Variants in ARL17B observed in about 807,000 individuals in gnomAD.
ARL17B encodes the protein ARF like GTPase 17B.
intron 3 of ARL17B, among the ~76,000 whole-genome samples, chr17:46,348,658 CT>C (rs1308048234): frequency 1.8e-5 from 2 of 112,884 alleles, no homozygotes; most frequent in Non-Finnish European, 3.4e-5. Flanking sequence ...AGTTAAGAAA[CT>C]GCAAGAGTTT....
intron 3 of ARL17B, among the ~76,000 whole-genome samples, chr17:46,341,054 A>G (rs1332643569): frequency 3.6e-5 from 2 of 56,336 alleles, no homozygotes; most frequent in African/African-American, 1.4e-4. Context: ...CCTATATTAA[A>G]CCCTTTTATG....
intron 4 of ARL17B, among the ~76,000 whole-genome samples, chr17:46,284,017 T>C (rs2458218): frequency 0.13 from 19,831 of 151,460 alleles, 6 homozygotes; most frequent in Middle Eastern, 0.2. Context: ...TTTTTCCCTA[T>C]CTCAGTAGAT....
chr17:46,321,357 GAAAA>G (rs763727306), intron 3 of ARL17B, among the ~76,000 whole-genome samples: 2 of 31,356 alleles, frequency 6.4e-5, no homozygotes, highest in Non-Finnish European at 8.7e-5. Context: ...CTCCGTCTCA[GAAAA>G]AAAAAAAAAA....
intron 2 of ARL17B, among the ~76,000 whole-genome samples, chr17:46,356,943 C>T (rs62073919): frequency 0.28 from 7,431 of 26,508 alleles, 3 homozygotes; most frequent in Non-Finnish European, 0.35. Context: ...AGCACTTAGC[C>T]GGGCAGATCA....
intron 4 of ARL17B, among the ~76,000 whole-genome samples, chr17:46,282,657 A>C (rs1202174855): frequency 1.3e-5 from 2 of 151,092 alleles, no homozygotes; most frequent in Non-Finnish European, 2.9e-5. Flanking sequence ...CCTGGCTTCA[A>C]GCTATTCTCC....
chr17:46,277,778 C>T (rs1386147601), intron 4 of ARL17B, among the ~76,000 whole-genome samples: 5 of 152,000 alleles, frequency 3.3e-5, no homozygotes, highest in African/African-American at 1.2e-4. Flanking sequence ...TCCCGAGTAG[C>T]TGGGATTACA....
chr17:46,279,541 G>A (rs1249532558), intron 4 of ARL17B, among the ~76,000 whole-genome samples: 6 of 133,332 alleles, frequency 4.5e-5, no homozygotes, highest in Non-Finnish European at 6.1e-5. Context: ...TTGTTGTGTC[G>A]TCCAGGCTGG....
rs568876726 is a variant in ARL17B at position 46,287,453 on chromosome 17, T to G, written c.*22-12035A>C. On this transcript the variant is annotated intron_variant, in intron 4 of 4. Coordinates refer to the ARL17B transcript ENST00000570618. Reference sequence around the variant, plus strand: ...GCAAAGCGCAAACACCAAGTAGAAGTTACACTACAAGGACCATGCAGGTCA... The same window carrying G: ...GCAAAGCGCAAACACCAAGTAGAAGGTACACTACAAGGACCATGCAGGTCA... Among the ~76,000 whole-genome samples, 4 of 152,346 alleles carry G rather than the reference T, an allele frequency of 2.6e-5. No homozygotes were observed. In the East Asian group the frequency reaches 7.7e-4, roughly 29 times the overall value.
At chr17:46,283,819 G>T (rs572121477) in intron 4 of ARL17B, among the ~76,000 whole-genome samples, 2 of 150,794 alleles carry the variant, frequency 1.3e-5, no homozygotes, top group South Asian at 2.1e-4. Context: ...TCGGAGAGGG[G>T]GATGTGTCAG....
chr17:46,274,235 A>G (rs1239886181), downstream of ARL17B, among the ~76,000 whole-genome samples: 14 of 152,244 alleles, frequency 9.2e-5, no homozygotes, highest in Non-Finnish European at 1.5e-4. Flanking sequence ...ACATACATCC[A>G]TAGTTGAATT....
chr17:46,285,798 A>C (rs1176974540), intron 4 of ARL17B, among the ~76,000 whole-genome samples: 5 of 152,240 alleles, frequency 3.3e-5, no homozygotes, highest in Non-Finnish European at 5.9e-5. Flanking sequence ...TAAGATTGGA[A>C]ACTTGAAATC....
At chr17:46,274,890 T>C (rs1455892503) in exon 5 of ARL17B, 1 of 152,718 alleles carries the variant, frequency 6.5e-6, no homozygotes, top group Non-Finnish European at 1.5e-5. Context: ...TCTTTTTCTT[T>C]TCTTCCTTTT....
chr17:46,289,625 C>A (rs1376297374), intron 4 of ARL17B, among the ~76,000 whole-genome samples: 1 of 152,164 alleles, frequency 6.6e-6, no homozygotes, highest in African/African-American at 2.4e-5. Flanking sequence ...CAAGTGTGAG[C>A]CACTGTGCCC....
chr17:46,321,350 C>T (rs1457500216), intron 3 of ARL17B, among the ~76,000 whole-genome samples: 5 of 67,292 alleles, frequency 7.4e-5, no homozygotes, highest in Middle Eastern at 6.3e-3. Context: ...AGTGAGACTC[C>T]GTCTCAGAAA....
intron 4 of ARL17B, among the ~76,000 whole-genome samples, chr17:46,285,369 T>G (rs1442164378): frequency 6.6e-6 from 1 of 152,056 alleles, no homozygotes; most frequent in African/African-American, 2.4e-5. Context: ...GCCTCCCTAG[T>G]AGCTGGGATT....
At chr17:46,289,541 T>C (rs1472628102) in intron 4 of ARL17B, among the ~76,000 whole-genome samples, 2 of 152,216 alleles carry the variant, frequency 1.3e-5, no homozygotes, top group East Asian at 3.9e-4. Flanking sequence ...GGTTTCACCA[T>C]GTTGGCTAGG....
At chr17:46,289,979 T>TGCG (rs1386064851) in intron 4 of ARL17B, among the ~76,000 whole-genome samples, 1 of 152,142 alleles carries the variant, frequency 6.6e-6, no homozygotes, top group African/African-American at 2.4e-5. Flanking sequence ...ATGAGCCAGG[T>TGCG]GTGGTGGCGC....
At chr17:46,352,030 GT>G (rs2052767569) in intron 3 of ARL17B, among the ~76,000 whole-genome samples, 1 of 151,798 alleles carries the variant, frequency 6.6e-6, no homozygotes, top group African/African-American at 2.4e-5. Context: ...GAGGTCGGGA[GT>G]TCGAGACCAG....
Position 46,275,776 on chromosome 17 carries a change from C to T in ARL17B, c.*22-358G>A, listed in dbSNP as rs535705821. ...GTGTGTATGTGTGTGTTTATTTACA[C>T]GGATGAGGGGAATATAAAGGGAAAA... On this transcript the variant is annotated intron_variant, in intron 4 of 4. Transcript: ENST00000570618. 6.4e-4 allele frequency among the ~76,000 whole-genome samples: 97 copies of T among 151,888 alleles called. No homozygotes were observed. The South Asian group carries it at 6.6e-3, about 10-fold the overall frequency.
Sources: allele counts gnomAD v4.1 joint callset (sites outside exome capture counted in the v4.1 genomes callset), GRCh38; gene constraint gnomAD v4.1.1; transcripts MANE v1.5; gene names NCBI Gene and HGNC (gene_info 2026-07-23, HGNC 2026-07-21).